Variants in GPHN observed in about 807,000 individuals in gnomAD.
GPHN encodes gephyrin.
In GPHN, 17 loss-of-function variants were observed where a neutral mutation model predicts 95.5. That is an observed-to-expected ratio of 0.18 (90% CI 0.12 to 0.27). The LOEUF is 0.27. Ranked by LOEUF, GPHN falls within the 10% of genes least tolerant of loss-of-function variation. The pLI, the probability that GPHN is intolerant of heterozygous loss-of-function variation, is 1.00. For synonymous variants in GPHN, 320 were observed against 322.5 expected (o/e 0.99, Z 0.08); for missense variants, 660 against 978.1 (o/e 0.67, Z 4.34).
At chr14:66,520,114 A>T (rs2058416382) in intron 1 of GPHN, among the ~76,000 whole-genome samples, 1 of 152,164 alleles carries the variant, frequency 6.6e-6, no homozygotes, top group African/African-American at 2.4e-5. Context: ...ATATTTAATT[A>T]GTCCCTAATT....
intron 2 of GPHN, among the ~76,000 whole-genome samples, chr14:66,767,561 A>G (rs1237763548): frequency 6.6e-6 from 1 of 151,972 alleles, no homozygotes; most frequent in African/African-American, 2.4e-5. Flanking sequence ...TTAGTAAGAC[A>G]GAGGGCAAAT....
the GPHN span, among the ~76,000 whole-genome samples, chr14:67,643,995 G>A: frequency 6.6e-6 from 1 of 152,074 alleles, no homozygotes; most frequent in East Asian, 1.9e-4. Flanking sequence ...TGTAGTCTCT[G>A]GAAATTTATT....
the GPHN span, among the ~76,000 whole-genome samples, chr14:67,250,577 C>T: frequency 6.6e-6 from 1 of 152,242 alleles, no homozygotes; most frequent in African/African-American, 2.4e-5. Flanking sequence ...GTCATCTGGG[C>T]CCTTCCTCTG....
chr14:67,245,094 C>T, the GPHN span, among the ~76,000 whole-genome samples: 1 of 152,190 alleles, frequency 6.6e-6, no homozygotes, highest in South Asian at 2.1e-4. Context: ...AAGAAAGCAG[C>T]CCTGCCAGTA....
chr14:66,777,975 G>C (rs2059446626), intron 3 of GPHN, among the ~76,000 whole-genome samples: 1 of 152,062 alleles, frequency 6.6e-6, no homozygotes, highest in Non-Finnish European at 1.5e-5. Flanking sequence ...TCTGGCCAGG[G>C]CAATCAGGCA....
chr14:67,722,020 T>C, the GPHN span, among the ~76,000 whole-genome samples: 3 of 152,100 alleles, frequency 2.0e-5, no homozygotes, highest in African/African-American at 7.2e-5. Context: ...ACTCAGCAGA[T>C]TTTCATAAAG....
intron 4 of GPHN, among the ~76,000 whole-genome samples, chr14:66,830,056 A>G (rs1045861046): frequency 2.0e-5 from 3 of 152,172 alleles, no homozygotes; most frequent in South Asian, 2.1e-4. Context: ...TGTATTGTCT[A>G]TGGCTAAAAC....
intron 1 of GPHN, among the ~76,000 whole-genome samples, chr14:66,511,689 T>A (rs2058045425): frequency 6.6e-6 from 1 of 152,080 alleles, no homozygotes; most frequent in Non-Finnish European, 1.5e-5. Context: ...AGACTTCTCA[T>A]TAAATAAATT....
chr14:66,512,792 T>A (rs1347324332), intron 1 of GPHN, among the ~76,000 whole-genome samples: 1 of 151,814 alleles, frequency 6.6e-6, no homozygotes, highest in Non-Finnish European at 1.5e-5. Flanking sequence ...ACTCTGCAAT[T>A]GTTTAAGCAT....
At chr14:67,230,030 A>G in the GPHN span, among the ~76,000 whole-genome samples, 3 of 152,252 alleles carry the variant, frequency 2.0e-5, no homozygotes, top group Admixed American at 6.5e-5. Context: ...AGTTAGGTAT[A>G]TACGTAAACC....
the GPHN span, among the ~76,000 whole-genome samples, chr14:67,297,723 ATAAAGG>A: frequency 3.9e-5 from 6 of 152,154 alleles, no homozygotes; most frequent in African/African-American, 1.4e-4. Context: ...TATGTGGGTA[ATAAAGG>A]TAAAGGAGAC....
intron 1 of GPHN, among the ~76,000 whole-genome samples, chr14:66,624,402 T>C (rs1194109149): frequency 1.3e-5 from 2 of 152,222 alleles, no homozygotes; most frequent in Admixed American, 1.3e-4. Flanking sequence ...GATATGATGT[T>C]AAATTGACCT....
At chr14:66,717,695 G>T (rs1215255611) in intron 2 of GPHN, among the ~76,000 whole-genome samples, 2 of 152,160 alleles carry the variant, frequency 1.3e-5, no homozygotes, top group African/African-American at 2.4e-5. Context: ...GCCCACAGGG[G>T]TTTCCCTTGA....
At chr14:67,181,988 G>A (rs187056614), downstream of GPHN, among the ~76,000 whole-genome samples, 6 of 152,304 alleles carry the variant, frequency 3.9e-5, no homozygotes, top group Non-Finnish European at 7.4e-5. Flanking sequence ...GATCTGTAGT[G>A]TGTGAAAATA....
the GPHN span, among the ~76,000 whole-genome samples, chr14:67,497,652 T>A: frequency 4.6e-5 from 7 of 152,204 alleles, no homozygotes; most frequent in Non-Finnish European, 8.8e-5. Context: ...TTTGCACGAT[T>A]TTAACACATG....
At chr14:66,582,610 C>T (rs1319112824) in intron 1 of GPHN, among the ~76,000 whole-genome samples, 1 of 151,934 alleles carries the variant, frequency 6.6e-6, no homozygotes, top group East Asian at 1.9e-4. Flanking sequence ...GTTCAATTCC[C>T]ACCTATGAGT....
chr14:67,511,264 G>C, the GPHN span, among the ~76,000 whole-genome samples: 10 of 152,130 alleles, frequency 6.6e-5, no homozygotes, highest in Admixed American at 5.2e-4. Flanking sequence ...GGAAAGCAAA[G>C]GAATGGCAGA....
In GPHN at chr14:66,973,239, A is replaced by G. The variant is rs75642325; in HGVS notation, c.963+7914A>G. 3.1e-3 allele frequency among the ~76,000 whole-genome samples: 470 copies of G among 152,252 alleles called. 11 individuals carry two copies. The highest frequency in any genetic ancestry group is 0.011 in the African/African-American group (445 of 41,532). ...CCGGTACCATGGTTAAGCATTATAAATAGTTTACCTGTCCTCTGTGATCCA... is the reference window on the plus strand; with the variant it reads ...CCGGTACCATGGTTAAGCATTATAAGTAGTTTACCTGTCCTCTGTGATCCA... On this transcript the variant is annotated intron_variant, in intron 9 of 22. Transcript: ENST00000478722.
chr14:66,574,111 T>C (rs767571030), intron 1 of GPHN, among the ~76,000 whole-genome samples: 3 of 152,204 alleles, frequency 2.0e-5, no homozygotes, highest in Non-Finnish European at 4.4e-5. Flanking sequence ...GCTTTCTTTT[T>C]GATTTATTTT....
Sources: gnomAD v4.1 joint callset for allele counts (sites outside exome capture counted in the v4.1 genomes callset) on GRCh38, gnomAD v4.1.1 for gene constraint, MANE v1.5 for transcripts, NCBI Gene and HGNC (gene_info 2026-07-23, HGNC 2026-07-21) for gene names.